The following LURAP1 variants were observed in gnomAD, a reference collection of about 807,000 sequenced individuals.
The protein encoded by LURAP1 is NF-kappa-B activator C1orf190.
A neutral mutation model predicts 19.0 loss-of-function variants in LURAP1; 14 were observed. The ratio of observed to expected loss-of-function variants is 0.74; its 90% confidence interval spans 0.49 to 1.15. The LOEUF (loss-of-function observed/expected upper bound fraction) is 1.15. Among genes scored for constraint, LURAP1 ranks in the 50% most tolerant of loss-of-function variants. The pLI, the probability that LURAP1 is intolerant of heterozygous loss-of-function variation, is 0.00. For synonymous variants in LURAP1, 129 were observed against 131.8 expected (o/e 0.98, Z 0.14); for missense variants, 273 against 309.1 (o/e 0.88, Z 0.87).
chr1:46,208,199 C>T (rs1019056740), intron 1 of LURAP1, among the ~76,000 whole-genome samples: 2 of 151,932 alleles, frequency 1.3e-5, no homozygotes, highest in Non-Finnish European at 2.9e-5. Context: ...TGCTATGTTG[C>T]CCAGGCCAGT....
intron 1 of LURAP1, among the ~76,000 whole-genome samples, chr1:46,211,439 G>GCACACATACACACACA (rs764949785): frequency 3.4e-4 from 27 of 79,046 alleles, no homozygotes; most frequent in Middle Eastern, 6.8e-3. Flanking sequence ...ATGAAAACCT[G>GCACACATACACACACA]CACACACACA....
At chr1:46,212,426 G>A (rs1200749909) in intron 1 of LURAP1, among the ~76,000 whole-genome samples, 1 of 150,242 alleles carries the variant, frequency 6.7e-6, no homozygotes, top group African/African-American at 2.5e-5. Context: ...GACTACAGGC[G>A]TACACTGCCA....
rs141982741 is a variant in LURAP1, at chr1:46,216,043, C to CTTTTTTTTTTTTTT, written c.199-3646_199-3633dup. Among the ~76,000 whole-genome samples, 233 of 92,542 alleles carry CTTTTTTTTTTTTTT rather than the reference C, an allele frequency of 2.5e-3. 1 individual carries two copies. Among genetic ancestry groups the CTTTTTTTTTTTTTT allele is most frequent in the Non-Finnish European group, 3.2e-3 (164 of 52,056 alleles). 60.7% of individuals were successfully genotyped at this position (92,542 alleles called of 152,430 possible). The stretch of plus-strand genomic sequence containing the variant: ...AAAATAATTTCAACTTTTATTTTAT[C>CTTTTTTTTTTTTTT]TTTTTTTTTTTTTTTTTTTTTTTGT... On this transcript the variant is annotated intron_variant, in intron 1 of 1. Transcript: ENST00000371980.
Position 46,220,155 on chromosome 1 carries a change from G to A in LURAP1, c.655G>A (p.Ala219Thr), listed in dbSNP as rs745871817. Reference sequence around the variant, plus strand: ...ACCTGAGTCACCAGAGGATGAGAGTGCCAAGCTGGGCTTCGAGGCCCACTG... The same window carrying A: ...ACCTGAGTCACCAGAGGATGAGAGTACCAAGCTGGGCTTCGAGGCCCACTG... ...GPPESPEDES[A>T]KLGFEAHWFW... is the part of the protein sequence containing the mutation. The change falls in exon 2 of 2, where the codon GCC becomes ACC. Residue 219 changes from alanine (A) to threonine (T), a missense_variant. Transcript: ENST00000371980. 47 of 1,614,002 alleles carry A rather than the reference G, an allele frequency of 2.9e-5. No individual in the cohort carries two copies. The highest frequency in any genetic ancestry group is 4.0e-5 in the Non-Finnish European group (47 of 1,180,016).
intron 1 of LURAP1, among the ~76,000 whole-genome samples, chr1:46,209,265 C>G (rs774401854): frequency 1.3e-5 from 2 of 152,134 alleles, no homozygotes; most frequent in Admixed American, 6.6e-5. Flanking sequence ...CTCAGGTGAT[C>G]CATCCGCCTT....
At chr1:46,218,997 C>T (rs1659149148) in intron 1 of LURAP1, among the ~76,000 whole-genome samples, 1 of 152,014 alleles carries the variant, frequency 6.6e-6, no homozygotes, top group African/African-American at 2.4e-5. Context: ...TGGGCAGGCT[C>T]AATAGTCAGT....
chr1:46,204,904 T>A (rs1275651366), intron 1 of LURAP1, among the ~76,000 whole-genome samples: 1 of 152,246 alleles, frequency 6.6e-6, no homozygotes, highest in Non-Finnish European at 1.5e-5. Flanking sequence ...CTGAGCACTT[T>A]ACATGATGCT....
At chr1:46,216,546 T>A (rs1659077665) in intron 1 of LURAP1, among the ~76,000 whole-genome samples, 1 of 152,090 alleles carries the variant, frequency 6.6e-6, no homozygotes, top group Non-Finnish European at 1.5e-5. Flanking sequence ...CTCACTCTGT[T>A]ACCTAGGCTG....
Position 46,220,501 on chromosome 1 carries a change from C to T in LURAP1, c.*281C>T, listed in dbSNP as rs908141553. Reference sequence around the variant, plus strand: ...ATAGAGAGCAGTGGCATGATCACAGCTCACTGCAGCCTTGACCTCCTGGGC... The same window carrying T: ...ATAGAGAGCAGTGGCATGATCACAGTTCACTGCAGCCTTGACCTCCTGGGC... On this transcript the variant is annotated 3_prime_UTR_variant, in exon 2 of 2. Transcript: ENST00000371980. 6.0e-6 allele frequency: 2 copies of T among 332,532 alleles called. No homozygotes were observed. Among genetic ancestry groups the T allele is most frequent in the Admixed American group, 9.1e-5 (2 of 21,906 alleles). 20.6% of individuals were successfully genotyped at this position (332,532 alleles called of 1,614,324 possible). A position where few individuals can be genotyped will look rare whatever the true frequency, so the allele number is the denominator to read the frequency against.
At position 46,203,611 on chromosome 1, in the gene LURAP1, T is replaced by C; in HGVS notation, c.185T>C (p.Leu62Pro). 1 of 1,600,268 alleles carries C rather than the reference T, an allele frequency of 6.2e-7. No individual in the cohort carries two copies. Among genetic ancestry groups the C allele is most frequent in the South Asian group, 1.1e-5 (1 of 90,124 alleles). The change falls in exon 1 of 2, where the codon CTG becomes CCG. Residue 62 changes from leucine to proline, a missense_variant. Transcript: ENST00000371980. ...GHDLGDKIMALKMELAYLRAI... is the reference protein window; with the variant it reads ...GHDLGDKIMAPKMELAYLRAI... ...GACTTGGGGGACAAGATCATGGCGC[T>C]GAAGATGGAGCTGGTGAGTGCTGAA... is the stretch of plus-strand genomic sequence containing the variant.
chr1:46,214,436 A>G (rs932184373), intron 1 of LURAP1, among the ~76,000 whole-genome samples: 8 of 152,232 alleles, frequency 5.3e-5, no homozygotes, highest in African/African-American at 1.9e-4. Flanking sequence ...CATTAAGCAT[A>G]TCCTTAAAGA....
intron 1 of LURAP1, among the ~76,000 whole-genome samples, chr1:46,207,826 C>T (rs1658767004): frequency 6.6e-6 from 1 of 152,024 alleles, no homozygotes; most frequent in Non-Finnish European, 1.5e-5. Context: ...GCATGAGCCA[C>T]TGCACCTGGC....
At chr1:46,216,397 A>G (rs1468493928) in intron 1 of LURAP1, among the ~76,000 whole-genome samples, 2 of 152,068 alleles carry the variant, frequency 1.3e-5, no homozygotes, top group Non-Finnish European at 2.9e-5. Flanking sequence ...GGCTGGGTGC[A>G]GTGGCACCAC....
chr1:46,203,585 C>A lies in LURAP1; in HGVS notation c.159C>A (p.His53Gln). The A allele has an allele frequency of 6.3e-7, 1 of 1,585,228 alleles. No individual in the cohort carries two copies. Among genetic ancestry groups the A allele is most frequent in the East Asian group, 2.3e-5 (1 of 43,034 alleles). The change falls in exon 1 of 2, where the codon CAC becomes CAA. Residue 53 changes from histidine to glutamine, a missense_variant. By Grantham distance (24) the His-to-Gln change is conservative. Transcript: ENST00000371980. ...TCCCAGGGGCGTCTAGCACCGGCCA[C>A]GACTTGGGGGACAAGATCATGGCGC... Reference protein sequence around the residue: ...LLLPGASSTGHDLGDKIMALK... With the variant: ...LLLPGASSTGQDLGDKIMALK...
intron 1 of LURAP1, among the ~76,000 whole-genome samples, chr1:46,212,271 A>G (rs1038982850): frequency 2.0e-5 from 3 of 151,712 alleles, no homozygotes; most frequent in Non-Finnish European, 4.4e-5. Flanking sequence ...TAACATAAAC[A>G]ACCATGTAAA....
chr1:46,210,542 C>T (rs1571686061), intron 1 of LURAP1, among the ~76,000 whole-genome samples: 1 of 152,280 alleles, frequency 6.6e-6, no homozygotes, highest in African/African-American at 2.4e-5. Context: ...CAACCAGCTT[C>T]AAATTGGGGT....
At chr1:46,211,116 C>T (rs1658880194) in intron 1 of LURAP1, among the ~76,000 whole-genome samples, 1 of 151,916 alleles carries the variant, frequency 6.6e-6, no homozygotes, top group African/African-American at 2.4e-5. Flanking sequence ...TGGTTGTCCA[C>T]GATTGAAACA....
chr1:46,207,569 C>T (rs1658758298), intron 1 of LURAP1, among the ~76,000 whole-genome samples: 1 of 150,454 alleles, frequency 6.6e-6, no homozygotes, highest in African/African-American at 2.4e-5. Context: ...GATGGAGTCT[C>T]GCTCTGTCGC....
At position 46,218,414 on chromosome 1, in the gene LURAP1, T is replaced by C. The variant is rs900146957; in HGVS notation, c.199-1285T>C. On this transcript the variant is annotated intron_variant, in intron 1 of 1. Coordinates refer to ENST00000371980, the MANE Select transcript of LURAP1 (RefSeq NM_001013615.3). ...AAATAATAATAAAAGTAAAACTAAA[T>C]AAAACTAGTTTTAAAAAGTCATTTG... Among the ~76,000 whole-genome samples, 3 of 152,302 alleles carry C rather than the reference T, an allele frequency of 2.0e-5. No individual in the cohort carries two copies. The South Asian group carries it at 6.2e-4, about 32-fold the overall frequency.
Sources: gnomAD v4.1 joint callset for allele counts (sites outside exome capture counted in the v4.1 genomes callset) on GRCh38, gnomAD v4.1.1 for gene constraint, MANE v1.5 for transcripts, NCBI Gene and HGNC (gene_info 2026-07-23, HGNC 2026-07-21) for gene names.